RARB: variants seen among roughly 807,000 people sequenced by gnomAD.
RARB encodes retinoic acid receptor beta.
Under a neutral mutation model 51.9 loss-of-function variants are expected in RARB, and 17 were observed. The observed-to-expected ratio is 0.33, with a 90% confidence interval of 0.22 to 0.49. RARB has a LOEUF of 0.49. Among genes scored for constraint, RARB ranks in the 20% least tolerant of loss-of-function variants. RARB has a pLI of 0.99. For missense variants in RARB, 369 were observed against 550.8 expected, an observed-to-expected ratio of 0.67 and a Z score of 3.30; for synonymous variants, 215 against 195.4, an observed-to-expected ratio of 1.10 and a Z score of -0.84.
chr3:24,861,081 T>C (rs1459332161), intron 2 of RARB, among the ~76,000 whole-genome samples: 5 of 152,306 alleles, frequency 3.3e-5, no homozygotes, highest in East Asian at 1.9e-4. Context: ...ACTGAGGGTT[T>C]TCACTTGTGA....
chr3:25,147,504 T>G (rs1416985469), intron 4 of RARB, among the ~76,000 whole-genome samples: 2 of 152,234 alleles, frequency 1.3e-5, no homozygotes, highest in African/African-American at 4.8e-5. Context: ...CTGGGTTGTG[T>G]TGAAGTGTTA....
intron 4 of RARB, chr3:25,173,996 G>C (rs1700693865): frequency 6.4e-6 from 1 of 155,446 alleles, no homozygotes; most frequent in Non-Finnish European, 1.4e-5. Flanking sequence ...TTGGGAAGCA[G>C]TAACTGTAGG....
chr3:25,082,283 A>G (rs887615648), intron 3 of RARB, among the ~76,000 whole-genome samples: 2 of 152,018 alleles, frequency 1.3e-5, no homozygotes, highest in Admixed American at 6.6e-5. Context: ...GGGTTTATGT[A>G]TACTATTTTG....
chr3:25,005,008 T>C (rs575032735), intron 2 of RARB, among the ~76,000 whole-genome samples: 34 of 152,288 alleles, frequency 2.2e-4, no homozygotes, highest in Admixed American at 5.9e-4. Flanking sequence ...TGATTCCTTT[T>C]TCCCATACCC....
chr3:25,195,625 G>C (rs1559500563), intron 5 of RARB, among the ~76,000 whole-genome samples: 1 of 151,902 alleles, frequency 6.6e-6, no homozygotes, highest in African/African-American at 2.4e-5. Context: ...TCTTGTTACA[G>C]AACAAAGGTG....
chr3:25,322,323 G>A (rs1704595403), intron 5 of RARB, among the ~76,000 whole-genome samples: 1 of 152,156 alleles, frequency 6.6e-6, no homozygotes, highest in Non-Finnish European at 1.5e-5. Flanking sequence ...AGTTGAGATT[G>A]CAAAGTTCTA....
At chr3:25,223,298 A>G (rs573996712) in intron 5 of RARB, among the ~76,000 whole-genome samples, 1 of 152,178 alleles carries the variant, frequency 6.6e-6, no homozygotes, top group Non-Finnish European at 1.5e-5. Context: ...GTGTTGTTGT[A>G]TGTATTCATA....
intron 4 of RARB, among the ~76,000 whole-genome samples, chr3:25,172,640 A>G (rs1172997261): frequency 6.6e-6 from 1 of 152,150 alleles, no homozygotes. Context: ...TAGTCCTAAC[A>G]TTGTTTTCCT....
At chr3:25,178,023 G>A (rs142187416) in intron 5 of RARB, among the ~76,000 whole-genome samples, 2 of 152,116 alleles carry the variant, frequency 1.3e-5, no homozygotes, top group African/African-American at 4.8e-5. Flanking sequence ...GTTTCTCCCG[G>A]TCCACATGCC....
At chr3:25,215,723 A>G (rs1039750322) in intron 5 of RARB, among the ~76,000 whole-genome samples, 3 of 152,144 alleles carry the variant, frequency 2.0e-5, no homozygotes, top group Admixed American at 2.0e-4. Flanking sequence ...CCTTCTGTCT[A>G]TGGAAAGGAA....
intron 3 of RARB, among the ~76,000 whole-genome samples, chr3:25,505,869 A>G (rs1324987275): frequency 1.3e-5 from 2 of 152,186 alleles, no homozygotes; most frequent in African/African-American, 4.8e-5. Context: ...AAGAGAAACA[A>G]TAAATGAAGG....
At chr3:25,435,535 G>C (rs967774296) in intron 1 of RARB, among the ~76,000 whole-genome samples, 1 of 152,142 alleles carries the variant, frequency 6.6e-6, no homozygotes, top group African/African-American at 2.4e-5. Flanking sequence ...CTATTGGAAA[G>C]CTTGGGGGTT....
intron 2 of RARB, among the ~76,000 whole-genome samples, chr3:24,942,300 G>GGA (rs1238419881): frequency 1.3e-5 from 2 of 152,116 alleles, no homozygotes; most frequent in Non-Finnish European, 2.9e-5. Context: ...GTTAGAATTG[G>GGA]GAGGATGGCA....
At chr3:25,381,557 G>A (rs1190818580) in intron 5 of RARB, among the ~76,000 whole-genome samples, 1 of 152,184 alleles carries the variant, frequency 6.6e-6, no homozygotes. Flanking sequence ...AGCTATGCAC[G>A]TATTAGCTGT....
In RARB at chr3:25,324,986, T is replaced by C. The variant is rs145411700; in HGVS notation, c.179-136207T>C. ...TTTAGGGCAAGTCCACAGAATAAAG[T>C]GAAAGCAAGTTTATTAGGAAGTGAA... On this transcript the variant is annotated intron_variant, in intron 5 of 11. Transcript: ENST00000383772. Among the ~76,000 whole-genome samples, 158 of 152,268 alleles carry C rather than the reference T, an allele frequency of 1.0e-3. 1 individual carries two copies. Among genetic ancestry groups the C allele is most frequent in the African/African-American group, 3.6e-3 (149 of 41,560 alleles).
chr3:25,596,716 A>G lies in RARB; in HGVS notation c.*100A>G. Reference sequence around the variant, plus strand: ...TACTGCTGCTTAGTTTTTGGACTGAAAAGATATTAAAACTCAAGAAGGACC... The same window carrying G: ...TACTGCTGCTTAGTTTTTGGACTGAGAAGATATTAAAACTCAAGAAGGACC... On this transcript the variant is annotated 3_prime_UTR_variant, in exon 8 of 8. Transcript: ENST00000330688. 1 of 1,088,780 alleles carries G rather than the reference A, an allele frequency of 9.2e-7. No individual in the cohort carries two copies. Among genetic ancestry groups the G allele is most frequent in the African/African-American group, 1.6e-5 (1 of 63,106 alleles). 67.4% of individuals were successfully genotyped at this position (1,088,780 alleles called of 1,614,324 possible). A position where few individuals can be genotyped will look rare whatever the true frequency, so the allele number is the denominator to read the frequency against.
At chr3:25,119,909 A>G (rs2125328807) in intron 3 of RARB, among the ~76,000 whole-genome samples, 1 of 152,274 alleles carries the variant, frequency 6.6e-6, no homozygotes, top group Non-Finnish European at 1.5e-5. Flanking sequence ...GAGACTGTGG[A>G]CAATCAGGAA....
At chr3:25,550,647 A>G (rs1005021269) in intron 3 of RARB, among the ~76,000 whole-genome samples, 2 of 152,194 alleles carry the variant, frequency 1.3e-5, no homozygotes, top group African/African-American at 4.8e-5. Context: ...TCTGGGATAC[A>G]TCTGCAGGAT....
intron 2 of RARB, among the ~76,000 whole-genome samples, chr3:24,905,665 C>G (rs575901607): frequency 3.3e-5 from 5 of 152,168 alleles, no homozygotes; most frequent in Admixed American, 6.5e-5. Flanking sequence ...CTTAAAGAAG[C>G]CTGGAGGTGC....
Sources: allele counts gnomAD v4.1 joint callset (sites outside exome capture counted in the v4.1 genomes callset), GRCh38; gene constraint gnomAD v4.1.1; transcripts MANE v1.5; gene names NCBI Gene and HGNC (gene_info 2026-07-23, HGNC 2026-07-21).